Variants in DMD observed in about 807,000 individuals in gnomAD.
The protein encoded by DMD is dystrophin.
Under a neutral mutation model 330.1 loss-of-function variants are expected in DMD, and 63 were observed. The observed-to-expected ratio is 0.19, with a 90% CI of 0.16 to 0.24. The LOEUF (loss-of-function observed/expected upper bound fraction) is 0.24, where lower values mean the gene tolerates loss of function less well. Among genes scored for constraint, DMD ranks in the 10% least tolerant of loss-of-function variants. The pLI is 1.00. For synonymous variants in DMD, 1,223 were observed against 959.8 expected (o/e 1.27, Z -5.07); for missense variants, 3,344 against 2,684.1 (o/e 1.25, Z -5.43).
intron 18 of DMD, among the ~76,000 whole-genome samples, chrX:32,511,026 T>C (rs1366387780): frequency 9.1e-6 from 1 of 109,726 alleles, no homozygotes; most frequent in African/African-American, 3.3e-5. Context: ...ACTGTATATA[T>C]ACCCCTTTCC....
intron 57 of DMD, among the ~76,000 whole-genome samples, chrX:31,489,288 G>A (rs953471006): frequency 3.6e-5 from 4 of 111,714 alleles, no homozygotes; most frequent in African/African-American, 6.5e-5. Context: ...CTACAGGCAC[G>A]TGTCACCACG....
At chrX:32,084,572 T>C (rs1296286644) in intron 44 of DMD, among the ~76,000 whole-genome samples, 1 of 111,945 alleles carries the variant, frequency 8.9e-6, no homozygotes, top group African/African-American at 3.3e-5. Flanking sequence ...GGGATAAAAC[T>C]TAATAAACAC....
At chrX:31,280,397 A>T (rs191068456) in intron 62 of DMD, among the ~76,000 whole-genome samples, 3 of 111,655 alleles carry the variant, frequency 2.7e-5, no homozygotes, top group Non-Finnish European at 3.8e-5. Context: ...AATGCAAAGT[A>T]ATACACAGTG....
intron 44 of DMD, among the ~76,000 whole-genome samples, chrX:31,971,488 G>GT (rs1194264952): frequency 4.5e-5 from 5 of 111,216 alleles, no homozygotes; most frequent in African/African-American, 1.6e-4. Context: ...GGGCTTTCAG[G>GT]TTTTTTTAAT....
At chrX:32,738,193 G>A (rs2068769829) in intron 7 of DMD, among the ~76,000 whole-genome samples, 1 of 111,883 alleles carries the variant, frequency 8.9e-6, no homozygotes, top group African/African-American at 3.2e-5. Flanking sequence ...ATCCAATAAT[G>A]TGGTTGCGTA....
At chrX:32,675,887 T>A (rs1356314673) in intron 9 of DMD, among the ~76,000 whole-genome samples, 1 of 111,941 alleles carries the variant, frequency 8.9e-6, no homozygotes, top group Non-Finnish European at 1.9e-5. Flanking sequence ...CAGTTAGTAA[T>A]TTTTGTGACA....
At chrX:32,960,701 T>C (rs747888802) in intron 2 of DMD, among the ~76,000 whole-genome samples, 4 of 111,339 alleles carry the variant, frequency 3.6e-5, no homozygotes, top group South Asian at 3.8e-4. Context: ...CTCTTCTCTA[T>C]TATAATAGTG....
intron 7 of DMD, among the ~76,000 whole-genome samples, chrX:32,784,438 G>C (rs2075178047): frequency 8.9e-6 from 1 of 111,785 alleles, no homozygotes; most frequent in African/African-American, 3.2e-5. Context: ...GCTTATGTTA[G>C]CTCAGGTGTC....
At chrX:31,128,032 G>T (rs775064984) in intron 77 of DMD, among the ~76,000 whole-genome samples, 1 of 111,298 alleles carries the variant, frequency 9.0e-6, no homozygotes, top group African/African-American at 3.3e-5. Flanking sequence ...CTCAGCTGTG[G>T]GTGTCACTAG....
intron 1 of DMD, among the ~76,000 whole-genome samples, chrX:33,075,423 C>A (rs7880570): frequency 0.073 from 8,185 of 111,673 alleles, 752 homozygotes; most frequent in African/African-American, 0.25. Context: ...GGTGGCTGTA[C>A]ATGTATAAAA....
At chrX:32,364,943 A>G in intron 35 of DMD, 77 bp downstream of exon 35, 3 of 1,108,186 alleles carry the variant, frequency 2.7e-6, no homozygotes, top group Non-Finnish European at 3.7e-6. Context: ...TTTCAAACAC[A>G]GAATTGTTAC....
intron 1 of DMD, among the ~76,000 whole-genome samples, chrX:33,209,610 G>T (rs1437593241): frequency 9.0e-6 from 1 of 111,453 alleles, no homozygotes; most frequent in Non-Finnish European, 1.9e-5. Context: ...CATCCAAGTA[G>T]CAGTATGTTG....
At chrX:33,006,656 A>T (rs2093402723) in intron 2 of DMD, among the ~76,000 whole-genome samples, 1 of 111,628 alleles carries the variant, frequency 9.0e-6, no homozygotes. Context: ...CACTCATACA[A>T]TGCTAGAGGC....
chrX:32,699,163 C>G lies in DMD; in HGVS notation c.780G>C (p.Val260=). 3.3e-6 allele frequency: 4 copies of G among 1,210,396 alleles called. No homozygotes were observed. The highest frequency in any genetic ancestry group is 4.5e-6 in the Non-Finnish European group (4 of 894,590). ...GTAACTGAAAATGTTCTTCTTTAGT[C>G]ACTTTAGGTGGCCTTGGCAACATTT... ...EVEMLPRPPK[V]TKEEHFQLHH... Residue 260 remains valine (V), a synonymous_variant, in exon 8 of 79, where the codon GTG becomes GTC. Transcript: ENST00000357033.
At chrX:31,961,680 G>C (rs762941125) in intron 45 of DMD, among the ~76,000 whole-genome samples, 15 of 108,117 alleles carry the variant, frequency 1.4e-4, no homozygotes, top group Admixed American at 2.0e-4. Flanking sequence ...TGAGTCTTAA[G>C]GGATGTGTAA....
intron 51 of DMD, 107 bp downstream of exon 51, chrX:31,773,853 A>G: frequency 1.5e-6 from 1 of 648,057 alleles, no homozygotes; most frequent in East Asian, 3.5e-5. Context: ...AGAGAGAAAC[A>G]GTTGCCTAAG....
At chrX:31,243,706 T>C (rs1346451791) in intron 63 of DMD, among the ~76,000 whole-genome samples, 1 of 112,624 alleles carries the variant, frequency 8.9e-6, no homozygotes, top group Non-Finnish European at 1.9e-5. Flanking sequence ...GATTGGCACT[T>C]TGAAGTATTA....
chrX:33,298,256 C>G (rs1329794700), intron 1 of DMD, among the ~76,000 whole-genome samples: 2 of 111,237 alleles, frequency 1.8e-5, no homozygotes, highest in Non-Finnish European at 3.8e-5. Flanking sequence ...CCCATTTCAT[C>G]CAGAAACACA....
chrX:32,713,045 G>A (rs2065338166), intron 7 of DMD, among the ~76,000 whole-genome samples: 1 of 111,401 alleles, frequency 9.0e-6, no homozygotes, highest in African/African-American at 3.3e-5. Context: ...CTAAATAAAA[G>A]GGAATGTTGT....
Sources: gnomAD v4.1 joint callset for allele counts (sites outside exome capture counted in the v4.1 genomes callset) on GRCh38, gnomAD v4.1.1 for gene constraint, MANE v1.5 for transcripts, NCBI Gene and HGNC (gene_info 2026-07-23, HGNC 2026-07-21) for gene names.